AQR: variants seen among roughly 807,000 people sequenced by gnomAD.
The protein encoded by AQR is RNA helicase aquarius.
Under a neutral mutation model 180.5 loss-of-function variants are expected in AQR, and 61 were observed. The ratio of observed to expected loss-of-function variants is 0.34; its 90% CI spans 0.28 to 0.42. AQR has a LOEUF of 0.42. AQR is among the 10% of genes least tolerant of loss of function. AQR has a pLI of 1.00. For synonymous variants in AQR, 551 were observed against 588.8 expected (o/e 0.94, Z 0.93); for missense variants, 1,281 against 1,798.3 (o/e 0.71, Z 5.20).
chr15:34,883,703 GA>G (rs1419125330), intron 26 of AQR, among the ~76,000 whole-genome samples: 9 of 152,262 alleles, frequency 5.9e-5, no homozygotes, highest in African/African-American at 2.2e-4. Flanking sequence ...TGAGGAGTCT[GA>G]GCCTGAATAT....
chr15:34,905,175 T>C (rs1893392223), intron 18 of AQR, among the ~76,000 whole-genome samples: 1 of 151,800 alleles, frequency 6.6e-6, no homozygotes, highest in Admixed American at 6.6e-5. Context: ...TTCCATCCAT[T>C]TTCCATTCCC....
At chr15:34,895,205 TATATATATATATATATGA>T (rs1432977969) in intron 22 of AQR, among the ~76,000 whole-genome samples, 2 of 73,220 alleles carry the variant, frequency 2.7e-5, no homozygotes, top group African/African-American at 1.0e-4. Context: ...TATATATATA[TATATATATATATATATGA>T]AACAAATAAA....
chr15:34,882,791 G>A (rs377241112), intron 26 of AQR, 152 bp from the exon 27 acceptor site: 3 of 746,076 alleles, frequency 4.0e-6, no homozygotes, highest in African/African-American at 1.8e-5. Context: ...TTATGATTTC[G>A]GTACTAATTG....
chr15:34,905,514 G>A (rs1413817253), intron 18 of AQR, among the ~76,000 whole-genome samples: 2 of 152,008 alleles, frequency 1.3e-5, no homozygotes, highest in South Asian at 2.1e-4. Context: ...TTTTATTTCT[G>A]TTCAGATGTT....
chr15:34,864,324 A>C, intron 32 of AQR, among the ~76,000 whole-genome samples: 1 of 152,288 alleles, frequency 6.6e-6, no homozygotes, highest in East Asian at 1.9e-4. Flanking sequence ...CCCCAGCAAC[A>C]AACAAAATTA....
Position 34,958,539 on chromosome 15 carries a change from G to A in AQR, c.173+2235C>T, listed in dbSNP as rs1894363732. 2.6e-5 allele frequency among the ~76,000 whole-genome samples: 4 copies of A among 152,054 alleles called. No homozygotes were observed. The South Asian group carries it at 8.3e-4, about 32-fold the overall frequency. ...ACACATTGTGCAATGGCGCAATCTC[G>A]GCTACACAGAAGAGAGCTACATATA... On this transcript the variant is annotated intron_variant, in intron 3 of 34. Transcript: ENST00000156471.
chr15:34,944,415 T>C lies in AQR; in HGVS notation c.344A>G (p.Lys115Arg), dbSNP rs769402240. ...AAAAAAGAATGGGAAGTGGTCTGGC[T>C]TCTTCTTAAAAATCTGAAAAGAAAC... ...NVPAWEIFKK[K>R]PDHFPFFFKH... is the part of the protein sequence containing the mutation. The change falls in exon 6 of 35, where the codon AAG (lysine) becomes AGG (arginine). Residue 115 changes from lysine (K) to arginine (R), a missense_variant. Around this residue, in one of 9 missense-constraint regions of AQR, gnomAD observed 404 missense variants for 490.9 expected, o/e 0.82. Transcript: ENST00000156471. The C allele has an allele frequency of 2.5e-6, 4 of 1,595,174 alleles. No homozygotes were observed. In the South Asian group the frequency reaches 3.5e-5, roughly 14 times the overall value.
chr15:34,968,622 G>GAAAGC (rs2140512651), intron 1 of AQR, among the ~76,000 whole-genome samples: 1 of 152,240 alleles, frequency 6.6e-6, no homozygotes, highest in East Asian at 1.9e-4. Flanking sequence ...AAATCACTCG[G>GAAAGC]AAAGCAACAT....
chr15:34,924,359 A>T (rs968863438), intron 13 of AQR, among the ~76,000 whole-genome samples: 1 of 152,010 alleles, frequency 6.6e-6, no homozygotes, highest in Non-Finnish European at 1.5e-5. Flanking sequence ...TTAATGGTGC[A>T]TTTTTTTCAT....
intron 9 of AQR, among the ~76,000 whole-genome samples, chr15:34,934,978 G>A (rs1209762895): frequency 6.6e-6 from 1 of 152,072 alleles, no homozygotes; most frequent in African/African-American, 2.4e-5. Flanking sequence ...CTAGAAGGCA[G>A]TTTTATATCA....
At chr15:34,884,340 A>C (rs935370091) in intron 26 of AQR, among the ~76,000 whole-genome samples, 185 bp downstream of exon 26, 3 of 152,030 alleles carry the variant, frequency 2.0e-5, no homozygotes, top group Non-Finnish European at 4.4e-5. Flanking sequence ...TGGGAGGTGG[A>C]GGTTGCAGTG....
intron 20 of AQR, among the ~76,000 whole-genome samples, chr15:34,898,609 G>A (rs1893282449): frequency 6.6e-6 from 1 of 152,246 alleles, no homozygotes; most frequent in South Asian, 2.1e-4. Flanking sequence ...TCCTCGGCCA[G>A]GCGCGTTGGC....
At chr15:34,881,554 T>C (rs1892973863) in intron 27 of AQR, among the ~76,000 whole-genome samples, 1 of 152,224 alleles carries the variant, frequency 6.6e-6, no homozygotes, top group African/African-American at 2.4e-5. Context: ...AATTTGCAAA[T>C]TCAAATTTAC....
chr15:34,876,953 C>T (rs1049027536), intron 27 of AQR, among the ~76,000 whole-genome samples: 12 of 152,264 alleles, frequency 7.9e-5, no homozygotes, highest in Middle Eastern at 3.4e-3. Context: ...TGTGACTTCC[C>T]AATCTAAAAC....
At chr15:34,926,068 G>C (rs1268116081) in intron 13 of AQR, among the ~76,000 whole-genome samples, 1 of 152,130 alleles carries the variant, frequency 6.6e-6, no homozygotes, top group South Asian at 2.1e-4. Context: ...TCAGGAGGCT[G>C]AGGCAGGAGA....
At chr15:34,872,477 C>T (rs535154152) in intron 30 of AQR, among the ~76,000 whole-genome samples, 5 of 152,152 alleles carry the variant, frequency 3.3e-5, no homozygotes, top group African/African-American at 1.2e-4. Flanking sequence ...ATCAATACTA[C>T]AGTATGACTC....
intron 19 of AQR, among the ~76,000 whole-genome samples, chr15:34,901,711 T>A (rs190259643): frequency 6.0e-4 from 92 of 152,344 alleles, no homozygotes; most frequent in Non-Finnish European, 1.0e-3. Flanking sequence ...CCTTGCTTTA[T>A]GTTCTTACAC....
chr15:34,918,003 C>T (rs1464784941), intron 15 of AQR, among the ~76,000 whole-genome samples: 3 of 151,820 alleles, frequency 2.0e-5, no homozygotes, highest in Non-Finnish European at 2.9e-5. Flanking sequence ...ACAAAAAAAA[C>T]CAAAACAGTC....
rs1466059719 is a variant in AQR at position 34,963,025 on chromosome 15, G to A, written c.132+1209C>T. Among the ~76,000 whole-genome samples, 7 of 152,152 alleles carry A rather than the reference G, an allele frequency of 4.6e-5. No homozygotes were observed. In the East Asian group the frequency reaches 7.7e-4, roughly 17 times the overall value. The stretch of plus-strand genomic sequence containing the variant: ...AGGGTCTCATTCTGTTGCCCAGGCT[G>A]GAGTGCAGTGGCCTGATTACAGCTC... On this transcript the variant is annotated intron_variant, in intron 2 of 34. Transcript: ENST00000156471.
Sources: gnomAD v4.1 joint callset for allele counts (sites outside exome capture counted in the v4.1 genomes callset) on GRCh38, gnomAD v4.1.1 for gene constraint, gnomAD v4.1.1 regional missense constraint, MANE v1.5 for transcripts, NCBI Gene and HGNC (gene_info 2026-07-23, HGNC 2026-07-21) for gene names.